PSMC6: variants seen among roughly 807,000 people sequenced by gnomAD.
PSMC6 encodes proteasome 26S subunit, ATPase 6, also known as 26S proteasome regulatory subunit 10B.
Under a neutral mutation model 55.9 loss-of-function variants are expected in PSMC6, and 3 were observed. The observed-to-expected ratio is 0.05, with a 90% CI of 0.02 to 0.14. PSMC6 has a LOEUF of 0.14. Ranked by LOEUF, PSMC6 falls within the 10% of genes least tolerant of loss-of-function variation. PSMC6 has a pLI of 1.00. For missense variants in PSMC6, 210 were observed against 478.7 expected (o/e 0.44, Z 5.24); for synonymous variants, 137 against 155.9 (o/e 0.88, Z 0.90).
intron 7 of PSMC6, 112 bp downstream of exon 7, chr14:52,714,080 G>A: frequency 1.5e-6 from 1 of 686,346 alleles, no homozygotes. Context: ...TCACTCTGTT[G>A]CCCAGGCTGT....
intron 6 of PSMC6, among the ~76,000 whole-genome samples, chr14:52,711,840 C>G (rs867381562): frequency 3.3e-5 from 5 of 152,042 alleles, no homozygotes; most frequent in African/African-American, 4.8e-5. Context: ...TTACTTGGGT[C>G]AGAGCATATT....
At chr14:52,713,178 C>T (rs1182652922) in intron 6 of PSMC6, among the ~76,000 whole-genome samples, 1 of 151,978 alleles carries the variant, frequency 6.6e-6, no homozygotes, top group African/African-American at 2.4e-5. Flanking sequence ...TGCAATGAGC[C>T]AAGATCATGC....
In PSMC6 at chr14:52,720,367, CAAAAAAAAAAAAAAAA is replaced by C. The variant is rs71444775; in HGVS notation, c.778-479_778-464del. Among the ~76,000 whole-genome samples, 36 of 41,484 alleles carry C rather than the reference CAAAAAAAAAAAAAAAA, an allele frequency of 8.7e-4. 1 individual carries two copies. In the South Asian group the frequency reaches 0.03, roughly 35 times the overall value. The allele number at this position is 41,484 out of a possible 152,430, so 27.2% of individuals were successfully genotyped here. A position where few individuals can be genotyped will look rare whatever the true frequency, so the allele number is the denominator to read the frequency against. On this transcript the variant is annotated intron_variant, in intron 10 of 13. Coordinates refer to ENST00000445930, the MANE Select transcript of PSMC6 (RefSeq NM_002806.5). ...TGGGTGACAGAGTGAAACTCTGTCT[CAAAAAAAAAAAAAAAA>C]AAAAAAAAAAAAAATTATCAGTTTA...
intron 7 of PSMC6, among the ~76,000 whole-genome samples, chr14:52,715,877 A>G (rs1275472001): frequency 6.6e-6 from 1 of 152,106 alleles, no homozygotes; most frequent in Non-Finnish European, 1.5e-5. Context: ...TCAGCCTCCC[A>G]AAGTGCTGGG....
chr14:52,708,692 C>G (rs2041731524), intron 3 of PSMC6, 72 bp from the exon 4 acceptor site: 1 of 1,594,756 alleles, frequency 6.3e-7, no homozygotes, highest in African/African-American at 1.4e-5. Flanking sequence ...ACAACTAAAC[C>G]CTCTGTCAAC....
chr14:52,714,273 C>T (rs1158197748), intron 7 of PSMC6, among the ~76,000 whole-genome samples: 1 of 152,136 alleles, frequency 6.6e-6, no homozygotes, highest in Non-Finnish European at 1.5e-5. Context: ...CTCCTGGACT[C>T]AAGCGATCTG....
rs565362899 is a variant in PSMC6 at position 52,719,392 on chromosome 14, A to C, written c.777+354A>C. 1.1e-4 allele frequency among the ~76,000 whole-genome samples: 16 copies of C among 152,366 alleles called. No homozygotes were observed. The East Asian group carries it at 3.1e-3, about 29-fold the overall frequency. On this transcript the variant is annotated intron_variant, in intron 10 of 13. Coordinates refer to ENST00000445930, the MANE Select transcript of PSMC6 (RefSeq NM_002806.5). Reference sequence around the variant, plus strand: ...TGTTGGCAATAAATGAGCTATAATTATGTATGAAGCTGCTCTAAAAATTAT... The same window carrying C: ...TGTTGGCAATAAATGAGCTATAATTCTGTATGAAGCTGCTCTAAAAATTAT...
At chr14:52,717,287 A>G (rs1313186667) in intron 7 of PSMC6, among the ~76,000 whole-genome samples, 1 of 150,592 alleles carries the variant, frequency 6.6e-6, no homozygotes, top group Non-Finnish European at 1.5e-5. Context: ...AAATTATAAC[A>G]TTTTGATTAA....
intron 7 of PSMC6, among the ~76,000 whole-genome samples, chr14:52,714,324 A>T (rs1033007014): frequency 2.0e-5 from 3 of 152,158 alleles, no homozygotes; most frequent in Non-Finnish European, 2.9e-5. Flanking sequence ...ACAAGCATAA[A>T]CCACTGCGCC....
chr14:52,718,862 C>G, intron 9 of PSMC6, 115 bp from the exon 10 acceptor site: 1 of 785,564 alleles, frequency 1.3e-6, no homozygotes, highest in South Asian at 1.7e-5. Context: ...ATAATTCTTG[C>G]TCTTTAATTT....
At chr14:52,709,845 T>C (rs2041747662) in intron 4 of PSMC6, 1 of 201,510 alleles carries the variant, frequency 5.0e-6, no homozygotes, top group African/African-American at 2.4e-5. Flanking sequence ...TTGAGCATCA[T>C]GTCAGCATTC....
chr14:52,718,763 C>T (rs1360604279), intron 9 of PSMC6: 5 of 520,778 alleles, frequency 9.6e-6, no homozygotes, highest in South Asian at 2.4e-5. Flanking sequence ...TCCAGCCTGG[C>T]GACAGAGCGA....
At chr14:52,719,165 C>A in intron 10 of PSMC6, 127 bp downstream of exon 10, 1 of 869,804 alleles carries the variant, frequency 1.1e-6, no homozygotes, top group East Asian at 2.7e-5. Context: ...AAAATATTGT[C>A]AGGAACAAAC....
chr14:52,710,983 T>C (rs566516774), intron 4 of PSMC6, 118 bp from the exon 5 acceptor site: 3 of 818,928 alleles, frequency 3.7e-6, no homozygotes, highest in African/African-American at 3.6e-5. Flanking sequence ...TATAATCTGA[T>C]ATTTGTGTTC....
intron 10 of PSMC6, among the ~76,000 whole-genome samples, chr14:52,720,302 A>C: frequency 8.1e-6 from 1 of 124,124 alleles, no homozygotes; most frequent in African/African-American, 3.0e-5. Flanking sequence ...CAGGAGGTGA[A>C]GGTTGCAGTG....
At chr14:52,720,026 C>T (rs949344726) in intron 10 of PSMC6, among the ~76,000 whole-genome samples, 1 of 151,968 alleles carries the variant, frequency 6.6e-6, no homozygotes, top group African/African-American at 2.4e-5. Flanking sequence ...GCATTGAGAC[C>T]AGCCTGACCA....
Position 52,726,949 on chromosome 14 carries a change from G to A in PSMC6, c.1052-550G>A, listed in dbSNP as rs540381839. On this transcript the variant is annotated intron_variant, in intron 13 of 13. Transcript: ENST00000445930. ...GAGCCACCGTGCCCAGCCTTGAACC[G>A]GATGTTAAATATTCATATAATGGTC... 5.4e-5 allele frequency among the ~76,000 whole-genome samples: 8 copies of A among 149,456 alleles called. No individual in the cohort carries two copies. The South Asian group carries it at 8.6e-4, about 16-fold the overall frequency.
At chr14:52,709,475 A>G (rs938417776) in intron 4 of PSMC6, 1 of 361,910 alleles carries the variant, frequency 2.8e-6, no homozygotes, top group African/African-American at 2.2e-5. Context: ...GGAACTATAA[A>G]TCTCCTATTA....
chr14:52,718,897 A>G, intron 9 of PSMC6, 80 bp from the exon 10 acceptor site: 1 of 1,065,194 alleles, frequency 9.4e-7, no homozygotes, highest in Admixed American at 2.1e-5. Flanking sequence ...TAAGCCACAG[A>G]CTGTTATGTT....
Sources: gnomAD v4.1 joint callset for allele counts (sites outside exome capture counted in the v4.1 genomes callset) on GRCh38, gnomAD v4.1.1 for gene constraint, MANE v1.5 for transcripts, NCBI Gene and HGNC (gene_info 2026-07-23, HGNC 2026-07-21) for gene names.